NCBP1: variants seen among roughly 807,000 people sequenced by gnomAD.
The protein encoded by NCBP1 is nuclear cap binding protein subunit 1.
A neutral mutation model predicts 111.7 loss-of-function variants in NCBP1; 16 were observed. That is an observed-to-expected ratio of 0.14 (90% confidence interval 0.10 to 0.22). The LOEUF is 0.22. Ranked by LOEUF, NCBP1 falls within the 10% of genes least tolerant of loss-of-function variation. The pLI, the probability that NCBP1 is intolerant of heterozygous loss-of-function variation, is 1.00. For synonymous variants in NCBP1, 304 were observed against 314.3 expected (o/e 0.97, Z 0.35); for missense variants, 607 against 957.5 (o/e 0.63, Z 4.83).
Position 97,669,650 on chromosome 9 carries a change from G to T in NCBP1, c.2203G>T (p.Val735Leu). The part of the protein sequence containing the change: ...LVRCETDGTS[V>L]LTPWYKNCIE... ...ACGATGCGAAACTGATGGGACCAGTGTATTAACACCATGGTATAAGAACTG... is the reference window on the plus strand; with the variant it reads ...ACGATGCGAAACTGATGGGACCAGTTTATTAACACCATGGTATAAGAACTG... The change falls in exon 22 of 23, where the codon GTA becomes TTA. Residue 735 changes from valine (V) to leucine (L), a missense_variant. By Grantham distance (32) the Val-to-Leu change is conservative. Around this residue, in one of 9 missense-constraint regions of NCBP1, gnomAD observed 282 missense variants for 376.5 expected, o/e 0.75. Coordinates refer to ENST00000375147, the MANE Select transcript of NCBP1 (RefSeq NM_002486.5). 4 of 1,613,178 alleles carry T rather than the reference G, an allele frequency of 2.5e-6. No individual in the cohort carries two copies. The highest frequency in any genetic ancestry group is 3.4e-6 in the Non-Finnish European group (4 of 1,179,208).
chr9:97,666,259 G>C (rs1158669386), intron 19 of NCBP1, among the ~76,000 whole-genome samples: 1 of 152,156 alleles, frequency 6.6e-6, no homozygotes. Context: ...CTCATTCTTA[G>C]AGCCCATCAG....
chr9:97,668,226 C>A (rs1312832579), intron 20 of NCBP1, among the ~76,000 whole-genome samples: 1 of 152,212 alleles, frequency 6.6e-6, no homozygotes, highest in Non-Finnish European at 1.5e-5. Context: ...GTCATCTAAC[C>A]TCTCAGCCTT....
At chr9:97,657,906 C>CTCTCTCTCTCTCTATA (rs375160579) in intron 14 of NCBP1, among the ~76,000 whole-genome samples, 1 of 127,510 alleles carries the variant, frequency 7.8e-6, no homozygotes, top group African/African-American at 3.1e-5. Context: ...CTCTCTCTCT[C>CTCTCTCTCTCTCTATA]TATATATATA....
rs552948980 is a variant in NCBP1, at chr9:97,635,587, T to G, written c.34+1672T>G. 1.2e-4 allele frequency among the ~76,000 whole-genome samples: 19 copies of G among 152,082 alleles called. 1 individual carries two copies. In the East Asian group the frequency reaches 3.3e-3, roughly 26 times the overall value. On this transcript the variant is annotated intron_variant, in intron 1 of 22. Coordinates refer to ENST00000375147, the MANE Select transcript of NCBP1 (RefSeq NM_002486.5). ...CACCACGCCCGGCTAATTTTTTTTT[T>G]GTTTTTGTATTTTTTGTAGAGACGG...
At chr9:97,647,092 A>G (rs989952886) in intron 6 of NCBP1, among the ~76,000 whole-genome samples, 4 of 152,004 alleles carry the variant, frequency 2.6e-5, no homozygotes, top group Non-Finnish European at 2.9e-5. Flanking sequence ...GTTATTTTCA[A>G]TCTTTTGCTC....
At chr9:97,656,176 C>T (rs555560453) in intron 14 of NCBP1, 91 bp downstream of exon 14, 4 of 1,062,540 alleles carry the variant, frequency 3.8e-6, no homozygotes, top group South Asian at 1.4e-5. Flanking sequence ...ATATTGGATT[C>T]AAAATCCACT....
chr9:97,666,894 C>G lies in NCBP1; in HGVS notation c.2016+17C>G, dbSNP rs1828020107. 2.0e-6 allele frequency: 3 copies of G among 1,505,778 alleles called. No homozygotes were observed. Among genetic ancestry groups the G allele is most frequent in the Non-Finnish European group, 2.7e-6 (3 of 1,105,904 alleles). The allele number at this position is 1,505,778 out of a possible 1,614,324, so 93.3% of individuals were successfully genotyped here. Reference sequence around the variant, plus strand: ...CACAAACGGGTAAGTTTTGTGTAAACTTGTAAGTAGTTAAAGAAAATATAC... The same window carrying G: ...CACAAACGGGTAAGTTTTGTGTAAAGTTGTAAGTAGTTAAAGAAAATATAC... On this transcript the variant is annotated intron_variant, in intron 20 of 22. Transcript: ENST00000375147.
intron 18 of NCBP1, 100 bp downstream of exon 18, chr9:97,663,147 A>G: frequency 1.1e-6 from 1 of 889,942 alleles, no homozygotes; most frequent in Non-Finnish European, 1.8e-6. Context: ...ATGAAATTTG[A>G]CTCTGCCTAG....
At chr9:97,658,562 A>C (rs1166176708) in intron 14 of NCBP1, 78 bp from the exon 15 acceptor site, 5 of 1,089,296 alleles carry the variant, frequency 4.6e-6, no homozygotes, top group Non-Finnish European at 7.0e-6. Flanking sequence ...GGAGATCATG[A>C]CTTTCCAGGT....
At chr9:97,652,601 CAG>C (rs933617205) in intron 10 of NCBP1, among the ~76,000 whole-genome samples, 2 of 152,164 alleles carry the variant, frequency 1.3e-5, no homozygotes, top group Non-Finnish European at 2.9e-5. Flanking sequence ...GCCTGGGTGA[CAG>C]AGTGAGAGTC....
intron 17 of NCBP1, 72 bp from the exon 18 acceptor site, chr9:97,662,882 A>G (rs1429618437): frequency 8.8e-7 from 1 of 1,137,458 alleles, no homozygotes; most frequent in Non-Finnish European, 1.3e-6. Context: ...GTAACATTGA[A>G]AAGGCTTTGA....
chr9:97,661,206 C>G, intron 16 of NCBP1, 138 bp downstream of exon 16: 1 of 957,576 alleles, frequency 1.0e-6, no homozygotes, highest in Non-Finnish European at 1.5e-6. Flanking sequence ...TTCTTAGCAC[C>G]CCAGGTATTT....
At chr9:97,656,349 A>G (rs937923318) in intron 14 of NCBP1, among the ~76,000 whole-genome samples, 5 of 152,216 alleles carry the variant, frequency 3.3e-5, no homozygotes, top group Admixed American at 1.3e-4. Flanking sequence ...TGGGAGGCCA[A>G]AGCGGGTGGA....
At position 97,664,491 on chromosome 9, in the gene NCBP1, A is replaced by G. The variant is rs369513373; in HGVS notation, c.1901+48A>G. ...ACTTGTGTTCCCTAAGAATTGATAT[A>G]TGTGTGGTCTCTTATACATAAGCTT... On this transcript the variant is annotated intron_variant, in intron 19 of 22. Coordinates refer to ENST00000375147, the MANE Select transcript of NCBP1 (RefSeq NM_002486.5). The G allele has an allele frequency of 3.8e-5, 49 of 1,276,728 alleles. 1 individual carries two copies. The Middle Eastern group carries it at 1.1e-3, about 29-fold the overall frequency. 79.1% of individuals were successfully genotyped at this position (1,276,728 alleles called of 1,614,324 possible). A position where few individuals can be genotyped will look rare whatever the true frequency, so the allele number is the denominator to read the frequency against.
At chr9:97,641,024 T>C (rs1263358256) in intron 2 of NCBP1, 142 bp downstream of exon 2, 1 of 591,198 alleles carries the variant, frequency 1.7e-6, no homozygotes, top group Non-Finnish European at 3.0e-6. Context: ...ATTGAATCCA[T>C]GTTGAAGCCC....
chr9:97,648,932 G>A (rs924161364), intron 8 of NCBP1, among the ~76,000 whole-genome samples: 2 of 152,058 alleles, frequency 1.3e-5, no homozygotes, highest in Non-Finnish European at 1.5e-5. Context: ...AAACTCCTGG[G>A]CTCAAGCAAT....
At chr9:97,669,512 T>TG in intron 21 of NCBP1, 81 bp from the exon 22 acceptor site, 1 of 897,358 alleles carries the variant, frequency 1.1e-6, no homozygotes, top group Non-Finnish European at 1.8e-6. Context: ...GGCAATACTT[T>TG]GGGGTTTCTT....
At chr9:97,668,050 T>C (rs932712529) in intron 20 of NCBP1, among the ~76,000 whole-genome samples, 107 of 152,298 alleles carry the variant, frequency 7.0e-4, no homozygotes, top group African/African-American at 2.4e-3. Flanking sequence ...TTGCTTAAAG[T>C]GGAGAGATCA....
chr9:97,649,528 C>T (rs2131342584), intron 8 of NCBP1, among the ~76,000 whole-genome samples: 1 of 152,146 alleles, frequency 6.6e-6, no homozygotes, highest in East Asian at 1.9e-4. Flanking sequence ...GTGCTAATGA[C>T]CAGTAGGAAT....
Sources: allele counts gnomAD v4.1 joint callset (sites outside exome capture counted in the v4.1 genomes callset), GRCh38; gene constraint gnomAD v4.1.1; regional missense constraint gnomAD v4.1.1; transcripts MANE v1.5; gene names NCBI Gene and HGNC (gene_info 2026-07-23, HGNC 2026-07-21).